The following ESRRG variants were observed in gnomAD, a reference collection of about 807,000 sequenced individuals.
The protein encoded by ESRRG is estrogen-related receptor gamma.
Under a neutral mutation model 44.0 loss-of-function variants are expected in ESRRG, and 13 were observed. The observed-to-expected ratio is 0.30, with a 90% CI of 0.19 to 0.47. The LOEUF is 0.47. Ranked by LOEUF, ESRRG falls within the 20% of genes least tolerant of loss-of-function variation. ESRRG has a pLI of 1.00. For missense variants in ESRRG, 395 were observed against 580.6 expected (o/e 0.68, Z 3.29); for synonymous variants, 215 against 214.6 (o/e 1.00, Z -0.02).
At chr1:217,093,710 G>A (rs1000704216), upstream of ESRRG, among the ~76,000 whole-genome samples, 9 of 151,422 alleles carry the variant, frequency 5.9e-5, no homozygotes, top group East Asian at 7.8e-4. Context: ...CTTGAGCCCC[G>A]AAGTCAAGGC....
At chr1:216,804,613 T>G (rs1023801023) in intron 2 of ESRRG, among the ~76,000 whole-genome samples, 8 of 152,268 alleles carry the variant, frequency 5.3e-5, no homozygotes, top group African/African-American at 1.9e-4. Context: ...GAGCAATCAT[T>G]TAATTGCTTG....
At chr1:216,740,878 T>G (rs1206174444) in intron 2 of ESRRG, among the ~76,000 whole-genome samples, 1 of 139,418 alleles carries the variant, frequency 7.2e-6, no homozygotes, top group Non-Finnish European at 1.6e-5. Flanking sequence ...ATTTACCATG[T>G]CACATTTATC....
intron 1 of ESRRG, among the ~76,000 whole-genome samples, chr1:216,995,915 A>T (rs2076314387): frequency 6.6e-6 from 1 of 152,178 alleles, no homozygotes; most frequent in Non-Finnish European, 1.5e-5. Flanking sequence ...TCCTATGCAC[A>T]TAAAGAACAG....
chr1:216,820,319 T>C lies in ESRRG; in HGVS notation c.-14+119263A>G, dbSNP rs554383402. Among the ~76,000 whole-genome samples, 3 of 152,274 alleles carry C rather than the reference T, an allele frequency of 2.0e-5. No individual in the cohort carries two copies. In the East Asian group the frequency reaches 5.8e-4, roughly 29 times the overall value. On this transcript the variant is annotated intron_variant, in intron 2 of 7. Coordinates refer to the ESRRG transcript ENST00000359162. ...TACATTCCCCTTTAAAGACATGAAA[T>C]AGCTTGAGAAAAAAATATTCAAAAT...
chr1:216,590,710 G>A (rs902920204), intron 3 of ESRRG, among the ~76,000 whole-genome samples: 6 of 152,146 alleles, frequency 3.9e-5, no homozygotes, highest in African/African-American at 1.4e-4. Flanking sequence ...AGACAGTATT[G>A]TGAGAGTATG....
intron 2 of ESRRG, among the ~76,000 whole-genome samples, chr1:216,927,494 A>C (rs1404347586): frequency 6.6e-6 from 1 of 152,202 alleles, no homozygotes; most frequent in East Asian, 1.9e-4. Context: ...GCAGCAGTTA[A>C]AGATCAGAGG....
At chr1:216,823,053 C>T (rs2095329364) in intron 2 of ESRRG, among the ~76,000 whole-genome samples, 1 of 151,792 alleles carries the variant, frequency 6.6e-6, no homozygotes, top group Non-Finnish European at 1.5e-5. Context: ...CCTTCCAGCT[C>T]TCCTATTTCC....
chr1:217,119,012 TAGATAG>T (rs59745241), intron 1 of ESRRG, among the ~76,000 whole-genome samples: 9,865 of 96,574 alleles, frequency 0.1, 413 homozygotes, highest in Non-Finnish European at 0.15. Flanking sequence ...GATGGATAGA[TAGATAG>T]ATAGATAGAT....
At chr1:216,704,946 T>C (rs933232580) in intron 1 of ESRRG, among the ~76,000 whole-genome samples, 1 of 152,198 alleles carries the variant, frequency 6.6e-6, no homozygotes, top group African/African-American at 2.4e-5. Flanking sequence ...ATAAATTAGC[T>C]CTTCCTAGTC....
intron 1 of ESRRG, among the ~76,000 whole-genome samples, chr1:216,957,522 A>G (rs2068185616): frequency 6.6e-6 from 1 of 152,128 alleles, no homozygotes; most frequent in African/African-American, 2.4e-5. Flanking sequence ...GCACAGCCCC[A>G]AAACTTCAGA....
chr1:216,762,207 A>G (rs1559538703), intron 2 of ESRRG, among the ~76,000 whole-genome samples: 1 of 151,254 alleles, frequency 6.6e-6, no homozygotes, highest in African/African-American at 2.4e-5. Context: ...ATTACTGGGT[A>G]TATACCCAAA....
intron 1 of ESRRG, among the ~76,000 whole-genome samples, chr1:216,978,649 G>A (rs1032743514): frequency 1.3e-5 from 2 of 152,162 alleles, no homozygotes; most frequent in African/African-American, 2.4e-5. Context: ...ACTGTGTGCA[G>A]TGCTTCTGAA....
intron 4 of ESRRG, among the ~76,000 whole-genome samples, chr1:216,567,018 A>G (rs2059795174): frequency 6.6e-6 from 1 of 152,172 alleles, no homozygotes; most frequent in Admixed American, 6.5e-5. Flanking sequence ...GAGAATCTGA[A>G]TTAGAAGTGG....
chr1:216,619,838 G>C (rs1293523809), intron 3 of ESRRG, among the ~76,000 whole-genome samples: 1 of 152,148 alleles, frequency 6.6e-6, no homozygotes, highest in Non-Finnish European at 1.5e-5. Flanking sequence ...GGAGAGTCAA[G>C]CTGAACTACA....
At chr1:216,910,842 T>A (rs1411211396) in intron 2 of ESRRG, among the ~76,000 whole-genome samples, 2 of 152,200 alleles carry the variant, frequency 1.3e-5, no homozygotes, top group African/African-American at 2.4e-5. Flanking sequence ...TCTGAAAAGA[T>A]GAATTGCAAA....
chr1:216,998,230 A>G (rs1310053229), intron 1 of ESRRG, among the ~76,000 whole-genome samples: 2 of 152,230 alleles, frequency 1.3e-5, no homozygotes, highest in Non-Finnish European at 2.9e-5. Flanking sequence ...CTAAACACCT[A>G]AAATGTCAAA....
At chr1:217,111,639 T>C (rs2092662689) in intron 1 of ESRRG, among the ~76,000 whole-genome samples, 2 of 152,162 alleles carry the variant, frequency 1.3e-5, no homozygotes, top group South Asian at 2.1e-4. Context: ...AAATTTCTTA[T>C]GTCTCCCCCA....
At chr1:216,942,956 A>C (rs1468241567) in intron 1 of ESRRG, among the ~76,000 whole-genome samples, 2 of 152,088 alleles carry the variant, frequency 1.3e-5, no homozygotes, top group Non-Finnish European at 2.9e-5. Context: ...ACCAGTTTTA[A>C]AATGTAGACT....
chr1:216,995,337 C>A (rs2150569666), intron 1 of ESRRG, among the ~76,000 whole-genome samples: 1 of 152,326 alleles, frequency 6.6e-6, no homozygotes, highest in South Asian at 2.1e-4. Context: ...TTCCTCCATT[C>A]ATTCTCCATG....
Sources: allele counts gnomAD v4.1 joint callset (sites outside exome capture counted in the v4.1 genomes callset), GRCh38; gene constraint gnomAD v4.1.1; transcripts MANE v1.5; gene names NCBI Gene and HGNC (gene_info 2026-07-23, HGNC 2026-07-21).